SPMIP2: variants seen among roughly 807,000 people sequenced by gnomAD.
SPMIP2 encodes the protein sperm microtubule inner protein 2, also known as protein SPMIP2.
At chr4:158,915,970 G>A in the SPMIP2 span, among the ~76,000 whole-genome samples, 1 of 152,180 alleles carries the variant, frequency 6.6e-6, no homozygotes, top group African/African-American at 2.4e-5. Context: ...TTGGAAAGCT[G>A]TTGTTTCTTA....
chr4:158,924,027 GAGAA>G, the SPMIP2 span, among the ~76,000 whole-genome samples: 1 of 152,130 alleles, frequency 6.6e-6, no homozygotes, highest in Non-Finnish European at 1.5e-5. Flanking sequence ...CTTATAAGAA[GAGAA>G]AGAGACACCA....
At chr4:158,921,613 G>A in the SPMIP2 span, among the ~76,000 whole-genome samples, 1 of 152,118 alleles carries the variant, frequency 6.6e-6, no homozygotes, top group African/African-American at 2.4e-5. Context: ...GCAGAAGCCT[G>A]TACAGCCTGC....
the SPMIP2 span, among the ~76,000 whole-genome samples, chr4:158,977,600 C>CTTTTTTTTTTTTTT: frequency 4.9e-3 from 357 of 72,404 alleles, 44 homozygotes; most frequent in Non-Finnish European, 6.7e-3. Context: ...TCCTTCAGTT[C>CTTTTTTTTTTTTTT]TTTTTTTTTT....
the SPMIP2 span, among the ~76,000 whole-genome samples, chr4:158,894,885 C>T: frequency 5.3e-5 from 8 of 152,162 alleles, no homozygotes; most frequent in African/African-American, 9.7e-5. Flanking sequence ...TGTCGTTGAT[C>T]AGCCCAGATG....
the SPMIP2 span, among the ~76,000 whole-genome samples, chr4:159,077,034 C>A: frequency 1.3e-5 from 2 of 152,032 alleles, no homozygotes; most frequent in Admixed American, 1.3e-4. Context: ...CAGGATTTTG[C>A]CATGTTGGCC....
chr4:158,963,286 GTT>G, the SPMIP2 span, among the ~76,000 whole-genome samples: 4 of 151,004 alleles, frequency 2.6e-5, no homozygotes, highest in East Asian at 1.9e-4. Flanking sequence ...AGGTAGTTTT[GTT>G]TTTTTTTTGT....
chr4:158,924,675 C>G, the SPMIP2 span, among the ~76,000 whole-genome samples: 1 of 152,160 alleles, frequency 6.6e-6, no homozygotes, highest in South Asian at 2.1e-4. Flanking sequence ...AGCCACTGCA[C>G]CTGGCCTATT....
the SPMIP2 span, among the ~76,000 whole-genome samples, chr4:158,903,915 C>A: frequency 1.3e-5 from 2 of 152,278 alleles, no homozygotes; most frequent in East Asian, 3.9e-4. Context: ...ACCATGATGT[C>A]TCTTAACCCA....
the SPMIP2 span, among the ~76,000 whole-genome samples, chr4:159,058,129 G>T: frequency 1.1e-5 from 1 of 92,884 alleles, no homozygotes; most frequent in South Asian, 3.2e-4. Context: ...AAAATGCTGG[G>T]ATTATCAGGC....
chr4:159,059,324 G>A, the SPMIP2 span, among the ~76,000 whole-genome samples: 1 of 152,040 alleles, frequency 6.6e-6, no homozygotes, highest in Non-Finnish European at 1.5e-5. Flanking sequence ...GATAAAATAT[G>A]GAATCAAATA....
At chr4:158,986,967 C>T in the SPMIP2 span, among the ~76,000 whole-genome samples, 35,340 of 138,360 alleles carry the variant, frequency 0.26, 5,096 homozygotes, top group Middle Eastern at 0.33. Flanking sequence ...AAAAAGTGGG[C>T]GAAGGACATG....
the SPMIP2 span, among the ~76,000 whole-genome samples, chr4:158,999,860 A>G: frequency 6.6e-6 from 1 of 152,224 alleles, no homozygotes; most frequent in African/African-American, 2.4e-5. Context: ...TTATTTTCCC[A>G]TCTCTGTAAA....
At chr4:158,974,059 T>C in the SPMIP2 span, among the ~76,000 whole-genome samples, 1 of 151,174 alleles carries the variant, frequency 6.6e-6, no homozygotes, top group Non-Finnish European at 1.5e-5. Flanking sequence ...GATGTAGGCC[T>C]TCAGATATTG....
the SPMIP2 span, among the ~76,000 whole-genome samples, chr4:158,901,235 G>A: frequency 6.7e-6 from 1 of 148,378 alleles, no homozygotes. Context: ...CCAGGTTTAA[G>A]CAATTCTCTG....
At chr4:159,041,030 C>A in the SPMIP2 span, among the ~76,000 whole-genome samples, 2 of 152,244 alleles carry the variant, frequency 1.3e-5, no homozygotes, top group Non-Finnish European at 2.9e-5. Flanking sequence ...TAAATCCTTG[C>A]CACCCACCCC....
At chr4:159,020,368 T>A in the SPMIP2 span, among the ~76,000 whole-genome samples, 1 of 152,174 alleles carries the variant, frequency 6.6e-6, no homozygotes, top group Non-Finnish European at 1.5e-5. Context: ...TCAAAATATT[T>A]GTCATCCCTT....
the SPMIP2 span, among the ~76,000 whole-genome samples, chr4:158,979,764 G>A: frequency 1.3e-5 from 2 of 149,782 alleles, no homozygotes; most frequent in Non-Finnish European, 1.5e-5. Flanking sequence ...TGGCTGTTTG[G>A]GAAGCCACTG....
the SPMIP2 span, among the ~76,000 whole-genome samples, chr4:159,017,183 CAAAAA>C: frequency 2.6e-5 from 4 of 152,086 alleles, no homozygotes; most frequent in African/African-American, 9.7e-5. Context: ...AAAAAGTGAG[CAAAAA>C]CAGTGTACAA....
the SPMIP2 span, among the ~76,000 whole-genome samples, chr4:159,068,688 A>T: frequency 1.5e-4 from 23 of 151,434 alleles, no homozygotes; most frequent in Middle Eastern, 3.4e-3. Flanking sequence ...AATAAATAAA[A>T]AATAAAAAAA....
Sources: gnomAD v4.1 joint callset for allele counts (sites outside exome capture counted in the v4.1 genomes callset) on GRCh38, gnomAD v4.1.1 for gene constraint, MANE v1.5 for transcripts, NCBI Gene and HGNC (gene_info 2026-07-23, HGNC 2026-07-21) for gene names.